RORA: variants seen among roughly 807,000 people sequenced by gnomAD.
The protein encoded by RORA is nuclear receptor ROR-alpha.
RORA carries 7 observed loss-of-function variants against 69.5 expected under a neutral mutation model. The ratio of observed to expected loss-of-function variants is 0.10; its 90% confidence interval spans 0.06 to 0.19. The LOEUF (loss-of-function observed/expected upper bound fraction) is 0.19. Among genes scored for constraint, RORA ranks in the 10% least tolerant of loss-of-function variants. The pLI is 1.00. For missense variants in RORA, 457 were observed against 663.0 expected, an observed-to-expected ratio of 0.69 and a Z score of 3.41; for synonymous variants, 261 against 240.8, an observed-to-expected ratio of 1.08 and a Z score of -0.78.
chr15:61,136,028 G>C (rs951815046), intron 1 of RORA, among the ~76,000 whole-genome samples: 2 of 152,184 alleles, frequency 1.3e-5, no homozygotes, highest in African/African-American at 2.4e-5. Context: ...GGTGGTATTT[G>C]TTTGAACATC....
At chr15:60,502,074 G>A (rs1048590180) in intron 8 of RORA, among the ~76,000 whole-genome samples, 20 of 152,114 alleles carry the variant, frequency 1.3e-4, no homozygotes, top group African/African-American at 4.6e-4. Flanking sequence ...TCCACCTCCC[G>A]GTTTCAAGTG....
intron 1 of RORA, among the ~76,000 whole-genome samples, chr15:61,065,571 T>C (rs2140562590): frequency 6.6e-6 from 1 of 152,290 alleles, no homozygotes; most frequent in East Asian, 1.9e-4. Context: ...CTTTAATAAA[T>C]AAATAGATTC....
chr15:60,965,539 A>G (rs1893530789), intron 1 of RORA, among the ~76,000 whole-genome samples: 1 of 152,218 alleles, frequency 6.6e-6, no homozygotes, highest in South Asian at 2.1e-4. Context: ...AGAACTTAAT[A>G]TATCTGAGCA....
At chr15:60,571,009 G>A (rs2067864181) in intron 2 of RORA, among the ~76,000 whole-genome samples, 1 of 152,110 alleles carries the variant, frequency 6.6e-6, no homozygotes, top group Non-Finnish European at 1.5e-5. Context: ...TATGCCCAGT[G>A]TTGAATGGCA....
chr15:61,188,951 G>A (rs754315722), intron 1 of RORA, among the ~76,000 whole-genome samples: 6 of 152,150 alleles, frequency 3.9e-5, no homozygotes, highest in East Asian at 1.9e-4. Context: ...AGTACTCACC[G>A]AGGAAGAAAA....
At chr15:60,592,473 C>G (rs1314867713) in intron 2 of RORA, 2 of 1,363,230 alleles carry the variant, frequency 1.5e-6, no homozygotes, top group African/African-American at 3.1e-5. Flanking sequence ...CCGGAGCCCC[C>G]TCTGCCGCCG....
chr15:60,730,270 C>T (rs1480597531), intron 1 of RORA, among the ~76,000 whole-genome samples: 1 of 152,126 alleles, frequency 6.6e-6, no homozygotes, highest in African/African-American at 2.4e-5. Context: ...ACATGACACT[C>T]GGATGTGACT....
chr15:60,622,619 C>A (rs1056057976), intron 2 of RORA, among the ~76,000 whole-genome samples: 1 of 152,104 alleles, frequency 6.6e-6, no homozygotes, highest in East Asian at 1.9e-4. Flanking sequence ...ATGAGCCAGA[C>A]CCGGTCTCAA....
At chr15:60,529,239 TC>T (rs2066456749) in intron 3 of RORA, 1 of 152,252 alleles carries the variant, frequency 6.6e-6, no homozygotes, top group South Asian at 2.1e-4. Context: ...GTGAAATTTT[TC>T]TTATGTTTAA....
chr15:60,806,138 G>A lies in RORA; in HGVS notation c.167-127452C>T, dbSNP rs140596833. 2.2e-3 allele frequency among the ~76,000 whole-genome samples: 331 copies of A among 152,196 alleles called. 8 individuals are homozygous for A. The highest frequency in any genetic ancestry group is 7.6e-3 in the African/African-American group (315 of 41,524). ...ATTCTTCCTTTCAGTAGAAAAGTCA[G>A]ATCTGTCAGGAGGAGAATAACTCCC... On this transcript the variant is annotated intron_variant, in intron 1 of 10. Transcript: ENST00000335670.
chr15:60,947,757 G>A (rs1892941137), intron 1 of RORA, among the ~76,000 whole-genome samples: 1 of 151,084 alleles, frequency 6.6e-6, no homozygotes, highest in South Asian at 2.1e-4. Flanking sequence ...GTAGCACCTG[G>A]CTAGTGCAAA....
rs527369711 is a variant in RORA, at chr15:61,120,700, C to CAA, written c.166+108351_166+108352dup. On this transcript the variant is annotated intron_variant, in intron 1 of 10. Transcript: ENST00000335670. The stretch of plus-strand genomic sequence containing the variant: ...TGAGTGATAGAGCAAGACTCTGTCT[C>CAA]AAAAAAAAAAAAAAAAAAACATACC... 2.3e-3 allele frequency among the ~76,000 whole-genome samples: 127 copies of CAA among 54,276 alleles called. 1 individual carries two copies. Among genetic ancestry groups the CAA allele is most frequent in the African/African-American group, 6.5e-3 (116 of 17,938 alleles). The allele number at this position is 54,276 out of a possible 152,430, so 35.6% of individuals were successfully genotyped here.
chr15:60,627,452 T>A (rs2069620689), intron 2 of RORA: 2 of 1,589,000 alleles, frequency 1.3e-6, no homozygotes, highest in Admixed American at 1.7e-5. Flanking sequence ...TCCAAGGTGA[T>A]CAGACAGATG....
In RORA at chr15:60,946,529, C is replaced by T. The variant is rs148921506; in HGVS notation, c.167-267843G>A. Among the ~76,000 whole-genome samples, 1,006 of 152,320 alleles carry T rather than the reference C, an allele frequency of 6.6e-3. 9 individuals carry two copies. The highest frequency in any genetic ancestry group is 0.023 in the African/African-American group (956 of 41,566). On this transcript the variant is annotated intron_variant, in intron 1 of 10. Coordinates refer to ENST00000335670, the MANE Select transcript of RORA (RefSeq NM_134261.3). ...GAGTGATCTGCCAGCTTCGGCCTCCCGAGTTGCCGGGATTGCAGACGGAGT... is the reference window on the plus strand; with the variant it reads ...GAGTGATCTGCCAGCTTCGGCCTCCTGAGTTGCCGGGATTGCAGACGGAGT...
chr15:60,542,600 GCATGCACACCTCACACACGGCACA>G (rs1567073393), intron 2 of RORA, among the ~76,000 whole-genome samples: 21 of 96,734 alleles, frequency 2.2e-4, no homozygotes, highest in African/African-American at 6.2e-4. Context: ...CACACGGCAC[GCATGCACACCTCACACACGGCACA>G]CATGCACACC....
intron 1 of RORA, among the ~76,000 whole-genome samples, chr15:60,739,144 G>A (rs2071540982): frequency 6.6e-6 from 1 of 152,132 alleles, no homozygotes; most frequent in African/African-American, 2.4e-5. Flanking sequence ...CATAACCCAG[G>A]GCTGTGGCCT....
At chr15:60,949,172 C>A (rs531808659) in intron 1 of RORA, among the ~76,000 whole-genome samples, 2 of 152,160 alleles carry the variant, frequency 1.3e-5, no homozygotes. Flanking sequence ...GCACACACCC[C>A]CTATGACATG....
chr15:60,930,117 T>C (rs1198625637), intron 1 of RORA, among the ~76,000 whole-genome samples: 1 of 152,182 alleles, frequency 6.6e-6, no homozygotes, highest in Admixed American at 6.5e-5. Context: ...AATTTTAATT[T>C]ATTGAAATTT....
intron 1 of RORA, among the ~76,000 whole-genome samples, chr15:60,695,946 TC>T (rs1360687071): frequency 2.0e-5 from 3 of 152,128 alleles, no homozygotes; most frequent in Non-Finnish European, 4.4e-5. Context: ...AAAGCACTGT[TC>T]CCGCGACCAC....
Sources: allele counts gnomAD v4.1 joint callset (sites outside exome capture counted in the v4.1 genomes callset), GRCh38; gene constraint gnomAD v4.1.1; transcripts MANE v1.5; gene names NCBI Gene and HGNC (gene_info 2026-07-23, HGNC 2026-07-21).